Variants in SORCS2 observed in about 807,000 individuals in gnomAD.
SORCS2 encodes VPS10 domain-containing receptor SorCS2.
A neutral mutation model predicts 141.6 loss-of-function variants in SORCS2; 100 were observed. The observed-to-expected ratio is 0.71, with a 90% CI of 0.60 to 0.83. The LOEUF (loss-of-function observed/expected upper bound fraction) is 0.83. Among genes scored for constraint, SORCS2 ranks in the 40% least tolerant of loss-of-function variants. The pLI is 0.00. For synonymous variants in SORCS2, 789 were observed against 676.9 expected (o/e 1.17, Z -2.57); for missense variants, 1,646 against 1,560.2 (o/e 1.05, Z -0.93).
At chr4:7,643,786 A>T (rs1216214138) in intron 4 of SORCS2, among the ~76,000 whole-genome samples, 1 of 152,174 alleles carries the variant, frequency 6.6e-6, no homozygotes, top group Non-Finnish European at 1.5e-5. Context: ...CCTAATATTG[A>T]GTGAACAGAG....
In SORCS2 at chr4:7,340,152, T is replaced by G. The variant is rs187792351; in HGVS notation, c.481-56136T>G. ...ACCTTCATTCTACACAGGTTGACAATGAGGCTGGGAGAAGTGGATTTGAAA... is the reference window on the plus strand; with the variant it reads ...ACCTTCATTCTACACAGGTTGACAAGGAGGCTGGGAGAAGTGGATTTGAAA... On this transcript the variant is annotated intron_variant, in intron 1 of 26. Transcript: ENST00000507866. Among the ~76,000 whole-genome samples, 544 of 152,270 alleles carry G rather than the reference T, an allele frequency of 3.6e-3. 2 individuals carry two copies. The highest frequency in any genetic ancestry group is 0.013 in the African/African-American group (524 of 41,552).
chr4:7,665,782 A>C (rs907711372), intron 7 of SORCS2, among the ~76,000 whole-genome samples: 2 of 152,226 alleles, frequency 1.3e-5, no homozygotes, highest in Non-Finnish European at 2.9e-5. Flanking sequence ...GAGCAAAGAC[A>C]GTGTCAGCTC....
At chr4:7,693,316 G>A (rs1252334997) in intron 11 of SORCS2, among the ~76,000 whole-genome samples, 2 of 152,156 alleles carry the variant, frequency 1.3e-5, no homozygotes, top group Non-Finnish European at 2.9e-5. Context: ...GGATCCCAGC[G>A]AGCCAGTGTT....
chr4:7,324,848 C>G (rs996557316), intron 1 of SORCS2, among the ~76,000 whole-genome samples: 2 of 152,190 alleles, frequency 1.3e-5, no homozygotes, highest in Non-Finnish European at 2.9e-5. Context: ...TCCTTTCAAA[C>G]CGAGGGCGGT....
chr4:7,252,815 C>G (rs1014091638), intron 1 of SORCS2, among the ~76,000 whole-genome samples: 2 of 152,248 alleles, frequency 1.3e-5, no homozygotes, highest in Non-Finnish European at 2.9e-5. Context: ...ATGAAAATCT[C>G]CAACCAGCCT....
intron 16 of SORCS2, 47 bp from the exon 17 acceptor site, chr4:7,715,136 G>A (rs746958078): frequency 3.7e-6 from 6 of 1,605,142 alleles, no homozygotes; most frequent in Non-Finnish European, 5.1e-6. Context: ...GGTGACTCCG[G>A]TTCCCACCTG....
intron 8 of SORCS2, among the ~76,000 whole-genome samples, chr4:7,669,442 G>T (rs1385298338): frequency 1.3e-5 from 2 of 152,242 alleles, no homozygotes; most frequent in East Asian, 3.9e-4. Flanking sequence ...CACATCTCAT[G>T]TTGCTGAGAC....
chr4:7,563,529 G>A (rs1174722902), intron 3 of SORCS2, among the ~76,000 whole-genome samples: 1 of 152,134 alleles, frequency 6.6e-6, no homozygotes, highest in Non-Finnish European at 1.5e-5. Flanking sequence ...CCACTAGATG[G>A]TCATGGCTGA....
intron 1 of SORCS2, among the ~76,000 whole-genome samples, chr4:7,331,221 A>G (rs563937954): frequency 6.6e-5 from 10 of 152,108 alleles, no homozygotes; most frequent in Non-Finnish European, 1.5e-4. Context: ...CGTGGGCTGG[A>G]GACTGCTGTG....
At chr4:7,457,787 C>G (rs1316156784) in intron 2 of SORCS2, among the ~76,000 whole-genome samples, 1 of 152,248 alleles carries the variant, frequency 6.6e-6, no homozygotes, top group East Asian at 1.9e-4. Context: ...CTGAGCTGCT[C>G]TGCTTCATGG....
chr4:7,504,840 C>T (rs1301760509), intron 2 of SORCS2, among the ~76,000 whole-genome samples: 1 of 152,220 alleles, frequency 6.6e-6, no homozygotes, highest in Non-Finnish European at 1.5e-5. Context: ...TCTGGTCTAG[C>T]TGGGACCCGA....
chr4:7,211,494 C>G (rs1464640096), intron 1 of SORCS2, among the ~76,000 whole-genome samples: 1 of 152,168 alleles, frequency 6.6e-6, no homozygotes, highest in African/African-American at 2.4e-5. Context: ...CTGCCTCAGC[C>G]TCCTGGTAGC....
intron 3 of SORCS2, among the ~76,000 whole-genome samples, chr4:7,582,501 C>G (rs941330165): frequency 6.6e-6 from 1 of 152,214 alleles, no homozygotes; most frequent in Non-Finnish European, 1.5e-5. Context: ...CCTCGCCCAT[C>G]ATGCAATGCA....
At chr4:7,260,022 T>C (rs892907281) in intron 1 of SORCS2, among the ~76,000 whole-genome samples, 1 of 152,238 alleles carries the variant, frequency 6.6e-6, no homozygotes, top group Non-Finnish European at 1.5e-5. Context: ...GCGCTGCTGC[T>C]GCCCACCATA....
chr4:7,728,265 T>C (rs905536438), intron 21 of SORCS2, 85 bp from the exon 22 acceptor site: 12 of 924,404 alleles, frequency 1.3e-5, no homozygotes, highest in African/African-American at 8.2e-5. Context: ...ATCCAGGGCA[T>C]GTGGCTGCCC....
Position 7,733,317 on chromosome 4 carries a change from T to C in SORCS2, c.3109-5T>C. On this transcript the variant is annotated splice_polypyrimidine_tract_variant and splice_region_variant and intron_variant, in intron 23 of 26. Coordinates refer to ENST00000507866, the MANE Select transcript of SORCS2 (RefSeq NM_020777.3). ...CCTCACTCACTGTCCCCTCTGTGCT[T>C]GCAGAGGCTCGCCGCCATCCAGCAG... The C allele has an allele frequency of 1.3e-6, 2 of 1,553,232 alleles. No homozygotes were observed. Among genetic ancestry groups the C allele is most frequent in the Non-Finnish European group, 1.7e-6 (2 of 1,147,504 alleles).
In SORCS2 at chr4:7,374,470, G is replaced by A. The variant is rs142903048; in HGVS notation, c.481-21818G>A. Among the ~76,000 whole-genome samples the A allele has an allele frequency of 5.1e-3, 778 of 152,266 alleles. 6 individuals carry two copies. Among genetic ancestry groups the A allele is most frequent in the African/African-American group, 0.018 (744 of 41,544 alleles). ...ATGAAAATCGGGTGCCACGCTGGCA[G>A]CATTGGCAGCAGCCCTGGGACGTTC... On this transcript the variant is annotated intron_variant, in intron 1 of 26. Coordinates refer to ENST00000507866, the MANE Select transcript of SORCS2 (RefSeq NM_020777.3).
At chr4:7,737,614 G>C (rs940232909) in intron 26 of SORCS2, among the ~76,000 whole-genome samples, 1 of 152,170 alleles carries the variant, frequency 6.6e-6, no homozygotes, top group Non-Finnish European at 1.5e-5. Context: ...ATGGACCTGC[G>C]GCACTGCACT....
chr4:7,640,091 G>A (rs1452610593), intron 4 of SORCS2, among the ~76,000 whole-genome samples: 1 of 151,660 alleles, frequency 6.6e-6, no homozygotes, highest in African/African-American at 2.4e-5. Context: ...GCATGTCAGT[G>A]TGTGCTTGTA....
Sources: allele counts gnomAD v4.1 joint callset (sites outside exome capture counted in the v4.1 genomes callset), GRCh38; gene constraint gnomAD v4.1.1; transcripts MANE v1.5; gene names NCBI Gene and HGNC (gene_info 2026-07-23, HGNC 2026-07-21).